Variants in VIT observed in about 807,000 individuals in gnomAD.
The protein encoded by VIT is vitrin.
A neutral mutation model predicts 78.0 loss-of-function variants in VIT; 99 were observed. The ratio of observed to expected loss-of-function variants is 1.27; its 90% CI spans 1.08 to 1.50. The LOEUF is 1.50. Ranked by LOEUF, VIT falls within the 40% of genes most tolerant of loss-of-function variation. The pLI is 0.00. For synonymous variants in VIT, 374 were observed against 334.3 expected, an observed-to-expected ratio of 1.12 and a Z score of -1.29; for missense variants, 1,126 against 875.3, an observed-to-expected ratio of 1.29 and a Z score of -3.61.
intron 13 of VIT, among the ~76,000 whole-genome samples, chr2:36,803,290 T>C (rs1245075754): frequency 1.3e-5 from 2 of 152,198 alleles, no homozygotes; most frequent in Non-Finnish European, 2.9e-5. Flanking sequence ...ATCTTCTAAA[T>C]CTCATGCAAG....
chr2:36,701,511 G>A (rs373662038), intron 1 of VIT, among the ~76,000 whole-genome samples: 108 of 152,290 alleles, frequency 7.1e-4, no homozygotes, highest in African/African-American at 2.5e-3. Context: ...CCTTCAGTTC[G>A]AGAAAGGCTA....
intron 4 of VIT, among the ~76,000 whole-genome samples, chr2:36,754,306 A>G (rs1321093731): frequency 8.0e-6 from 1 of 124,974 alleles, no homozygotes; most frequent in Non-Finnish European, 1.9e-5. Context: ...AGAAATGACA[A>G]CGTAAAAGTG....
At chr2:36,794,181 T>C (rs975590239) in intron 12 of VIT, among the ~76,000 whole-genome samples, 1 of 152,232 alleles carries the variant, frequency 6.6e-6, no homozygotes, top group African/African-American at 2.4e-5. Context: ...TCCTTCTTTT[T>C]AGGCATGGCC....
chr2:36,812,009 T>G (rs1418803230), intron 15 of VIT, among the ~76,000 whole-genome samples: 1 of 152,014 alleles, frequency 6.6e-6, no homozygotes, highest in Non-Finnish European at 1.5e-5. Context: ...GTTTGCGTAG[T>G]TTTTTAAGGG....
At chr2:36,729,038 T>A (rs924943588) in intron 2 of VIT, among the ~76,000 whole-genome samples, 1 of 152,144 alleles carries the variant, frequency 6.6e-6, no homozygotes, top group Non-Finnish European at 1.5e-5. Flanking sequence ...TTATACTGTA[T>A]TTTTACTATA....
intron 1 of VIT, among the ~76,000 whole-genome samples, chr2:36,703,898 G>C (rs28374958): frequency 0.84 from 121,917 of 145,796 alleles, 51,592 homozygotes; most frequent in Middle Eastern, 0.96. Flanking sequence ...TTTTTTGTTT[G>C]TTTGTTTGGG....
At chr2:36,793,678 T>C (rs958874911) in intron 12 of VIT, among the ~76,000 whole-genome samples, 1 of 151,620 alleles carries the variant, frequency 6.6e-6, no homozygotes, top group South Asian at 2.1e-4. Flanking sequence ...TAAATAGTTA[T>C]GTTATTTGAT....
At chr2:36,729,368 G>T in intron 2 of VIT, 58 bp from the exon 3 acceptor site, 1 of 1,464,586 alleles carries the variant, frequency 6.8e-7, no homozygotes, top group South Asian at 1.3e-5. Flanking sequence ...TGAGTCAAAA[G>T]AGAAAGAATT....
chr2:36,728,588 C>G (rs1489472146), intron 2 of VIT, among the ~76,000 whole-genome samples: 1 of 29,566 alleles, frequency 3.4e-5, no homozygotes, highest in Non-Finnish European at 1.1e-4. Flanking sequence ...CCGAGGCGGG[C>G]GGATCACGAG....
At chr2:36,732,191 C>G (rs527821748) in intron 3 of VIT, among the ~76,000 whole-genome samples, 1 of 152,150 alleles carries the variant, frequency 6.6e-6, no homozygotes, top group African/African-American at 2.4e-5. Context: ...ACAAAAATCA[C>G]GAAAGGTTCC....
chr2:36,773,244 T>C (rs1323647643), intron 7 of VIT, among the ~76,000 whole-genome samples: 1 of 152,172 alleles, frequency 6.6e-6, no homozygotes, highest in Non-Finnish European at 1.5e-5. Context: ...GACTAAAAGA[T>C]AGATACTTTG....
chr2:36,813,777 G>C (rs1006711840), intron 15 of VIT, among the ~76,000 whole-genome samples: 12 of 152,198 alleles, frequency 7.9e-5, no homozygotes, highest in African/African-American at 2.2e-4. Context: ...TGGTAGAGCA[G>C]GCATGTGTCA....
intron 15 of VIT, 136 bp from the exon 16 acceptor site, chr2:36,814,047 T>A (rs1667383475): frequency 1.0e-6 from 1 of 968,868 alleles, no homozygotes; most frequent in South Asian, 1.7e-5. Flanking sequence ...GCCTGTAGCG[T>A]ATTTTTGGTT....
At chr2:36,763,408 C>G (rs1318578275) in intron 6 of VIT, among the ~76,000 whole-genome samples, 2 of 152,126 alleles carry the variant, frequency 1.3e-5, no homozygotes, top group East Asian at 1.9e-4. Flanking sequence ...GAAAAAAGAT[C>G]AAAACTTTAT....
intron 12 of VIT, chr2:36,787,940 A>G (rs1004787267): frequency 6.2e-5 from 23 of 373,226 alleles, no homozygotes; most frequent in Admixed American, 1.1e-4. Context: ...GCTCGTGTTG[A>G]CATCCAGTCT....
rs1028987006 is a variant in VIT, at chr2:36,773,754, T to C, written c.680-37T>C. 14 of 1,469,870 alleles carry C rather than the reference T, an allele frequency of 9.5e-6. No homozygotes were observed. The East Asian group carries it at 1.2e-4, about 13-fold the overall frequency. The allele number at this position is 1,469,870 out of a possible 1,614,324, so 91.1% of individuals were successfully genotyped here. On this transcript the variant is annotated intron_variant, in intron 7 of 15. Transcript: ENST00000379242. ...TAAATAAATTAATTAATTAATTAAA[T>C]AAAATTCATGCTCTGACCAGTCAAA... is the stretch of plus-strand genomic sequence containing the variant.
intron 14 of VIT, among the ~76,000 whole-genome samples, chr2:36,806,544 T>C (rs1046449142): frequency 6.6e-6 from 1 of 151,864 alleles, no homozygotes; most frequent in African/African-American, 2.4e-5. Flanking sequence ...GCTTCCACCT[T>C]TATCTCTTTT....
chr2:36,814,433 G>A lies in VIT; in HGVS notation c.*72G>A. On this transcript the variant is annotated 3_prime_UTR_variant, in exon 16 of 16. Transcript: ENST00000379242. ...GTGTTGGACCACCCCACCGCTTAATGGGGCACGCACGGTGCATCAAGTCTT... is the reference window on the plus strand; with the variant it reads ...GTGTTGGACCACCCCACCGCTTAATAGGGCACGCACGGTGCATCAAGTCTT... 1 of 1,568,160 alleles carries A rather than the reference G, an allele frequency of 6.4e-7. No individual in the cohort carries two copies. The highest frequency in any genetic ancestry group is 8.7e-7 in the Non-Finnish European group (1 of 1,150,544).
In VIT at chr2:36,714,108, A is replaced by T. The variant is rs1318497592; in HGVS notation, c.-18-2245A>T. 3.3e-5 allele frequency among the ~76,000 whole-genome samples: 5 copies of T among 152,246 alleles called. 1 individual carries two copies. Among genetic ancestry groups the T allele is most frequent in the Non-Finnish European group, 7.3e-5 (5 of 68,046 alleles). On this transcript the variant is annotated intron_variant, in intron 1 of 15. Coordinates refer to ENST00000379242, the MANE Select transcript of VIT (RefSeq NM_053276.4). ...TTAACACATTGCAAGTGTTGTTGGA[A>T]AATAACAAAGTGATCAGTTCTGTTT...
Sources: gnomAD v4.1 joint callset for allele counts (sites outside exome capture counted in the v4.1 genomes callset) on GRCh38, gnomAD v4.1.1 for gene constraint, MANE v1.5 for transcripts, NCBI Gene and HGNC (gene_info 2026-07-23, HGNC 2026-07-21) for gene names.